PHLDB2: variants seen among roughly 807,000 people sequenced by gnomAD.
PHLDB2 encodes the protein pleckstrin homology like domain family B member 2, also known as pleckstrin homology-like domain family B member 2.
In PHLDB2, 71 loss-of-function variants were observed where a neutral mutation model predicts 123.6. The observed-to-expected ratio is 0.57, with a 90% CI of 0.47 to 0.70. The LOEUF is 0.70. PHLDB2 is among the 30% of genes least tolerant of loss of function. The pLI is 0.00. For missense variants in PHLDB2, 1,446 were observed against 1,519.5 expected (o/e 0.95, Z 0.80); for synonymous variants, 547 against 541.6 (o/e 1.01, Z -0.14).
chr3:111,921,346 T>A (rs532779773), intron 5 of PHLDB2, among the ~76,000 whole-genome samples: 21 of 152,214 alleles, frequency 1.4e-4, no homozygotes, highest in East Asian at 1.4e-3. Flanking sequence ...AAAGAAAAAA[T>A]TTTTAGTTTG....
At chr3:111,762,263 T>G (rs79493283) in intron 1 of PHLDB2, among the ~76,000 whole-genome samples, 7,661 of 152,300 alleles carry the variant, frequency 0.05, 651 homozygotes, top group African/African-American at 0.17. Context: ...TTAAAGAAGA[T>G]AATGTTTAGG....
chr3:111,912,744 G>A (rs7645666), intron 2 of PHLDB2, among the ~76,000 whole-genome samples: 48,751 of 152,152 alleles, frequency 0.32, 8,066 homozygotes, highest in Middle Eastern at 0.38. Context: ...TAAGTCAGTA[G>A]TGATGAAAAA....
chr3:111,760,292 A>G (rs1197005131), intron 1 of PHLDB2, among the ~76,000 whole-genome samples: 2 of 152,162 alleles, frequency 1.3e-5, no homozygotes, highest in East Asian at 3.8e-4. Flanking sequence ...TAAAATTCCT[A>G]TTTTACCTTA....
At chr3:111,881,230 A>G (rs2065911130) in intron 1 of PHLDB2, among the ~76,000 whole-genome samples, 1 of 152,272 alleles carries the variant, frequency 6.6e-6, no homozygotes, top group East Asian at 1.9e-4. Context: ...ATGGCAGGCA[A>G]CTGTAGCTGC....
At chr3:111,758,382 C>A (rs999610842) in intron 1 of PHLDB2, among the ~76,000 whole-genome samples, 1 of 152,204 alleles carries the variant, frequency 6.6e-6, no homozygotes, top group Non-Finnish European at 1.5e-5. Flanking sequence ...ATCAGCAAGA[C>A]TCTGTGGGCA....
chr3:111,945,972 C>T (rs929115902), intron 9 of PHLDB2, among the ~76,000 whole-genome samples: 5 of 152,036 alleles, frequency 3.3e-5, no homozygotes, highest in African/African-American at 1.2e-4. Context: ...TACACTGCCA[C>T]ACTGGGAGAA....
chr3:111,806,419 C>G (rs550225893), intron 1 of PHLDB2, among the ~76,000 whole-genome samples: 1 of 152,068 alleles, frequency 6.6e-6, no homozygotes, highest in Non-Finnish European at 1.5e-5. Context: ...TTATATAATA[C>G]AAAATGTAGT....
At chr3:111,775,365 A>G (rs1463835793) in intron 1 of PHLDB2, among the ~76,000 whole-genome samples, 1 of 152,200 alleles carries the variant, frequency 6.6e-6, no homozygotes, top group East Asian at 1.9e-4. Flanking sequence ...TAGTCATGGA[A>G]GAAAATCACA....
At chr3:111,760,906 G>A (rs1230836451) in intron 1 of PHLDB2, among the ~76,000 whole-genome samples, 1 of 152,120 alleles carries the variant, frequency 6.6e-6, no homozygotes, top group Non-Finnish European at 1.5e-5. Flanking sequence ...AACTAAGTCG[G>A]CCAGGTGTGG....
At chr3:111,803,663 A>C (rs78025770) in intron 1 of PHLDB2, among the ~76,000 whole-genome samples, 6,404 of 152,292 alleles carry the variant, frequency 0.042, 185 homozygotes, top group Admixed American at 0.081. Context: ...TCAGGTTCTT[A>C]CATTCACTAA....
intron 3 of PHLDB2, among the ~76,000 whole-genome samples, chr3:111,918,061 C>T (rs2068280462): frequency 6.6e-6 from 1 of 152,122 alleles, no homozygotes; most frequent in Middle Eastern, 3.2e-3. Context: ...TTCATACTGA[C>T]ATATAGTATA....
At chr3:111,781,052 G>T (rs922846669) in intron 1 of PHLDB2, among the ~76,000 whole-genome samples, 5 of 151,846 alleles carry the variant, frequency 3.3e-5, no homozygotes, top group Non-Finnish European at 7.4e-5. Flanking sequence ...GTTTTCTTTT[G>T]CATTATCTTC....
At chr3:111,771,732 A>T (rs80153064) in intron 1 of PHLDB2, among the ~76,000 whole-genome samples, 7,022 of 152,264 alleles carry the variant, frequency 0.046, 550 homozygotes, top group African/African-American at 0.16. Context: ...GTTATACTGG[A>T]TTAGAGTCTA....
chr3:111,782,778 C>G (rs1350929040), intron 1 of PHLDB2, among the ~76,000 whole-genome samples: 2 of 152,074 alleles, frequency 1.3e-5, no homozygotes, highest in African/African-American at 4.8e-5. Context: ...CTTTTCTCAT[C>G]ATTTTGAACA....
In PHLDB2 at chr3:111,884,309, A is replaced by G. The variant is rs771976271; in HGVS notation, c.232A>G (p.Ser78Gly). The G allele has an allele frequency of 3.7e-6, 6 of 1,614,216 alleles. No individual in the cohort carries two copies. The South Asian group carries it at 4.4e-5, about 12-fold the overall frequency. ...AKRSPSPLGT[S>G]VRSSPSLAKI... ...GAGAAGCCCTTCTCCTTTGGGAACC[A>G]GTGTCAGAAGCAGCCCCTCCTTAGC... Residue 78 changes from serine (S) to glycine (G), a missense_variant, in exon 2 of 18, where the codon AGT becomes GGT. Physicochemically the swap from Ser to Gly is moderately conservative, Grantham distance 56. This residue lies in a region of PHLDB2 where 832 missense variants were observed against 831.9 expected (regional missense o/e 1.00). Transcript: ENST00000431670.
intron 1 of PHLDB2, among the ~76,000 whole-genome samples, chr3:111,834,587 T>G (rs746404261): frequency 2.0e-5 from 3 of 151,818 alleles, no homozygotes; most frequent in African/African-American, 7.3e-5. Flanking sequence ...AAGGATGCAG[T>G]AAATATCTCT....
chr3:111,910,002 C>T (rs182004072), intron 2 of PHLDB2, among the ~76,000 whole-genome samples: 2 of 151,998 alleles, frequency 1.3e-5, no homozygotes, highest in African/African-American at 4.8e-5. Context: ...TTACAAGGGC[C>T]CTTGGATGGG....
At chr3:111,784,537 G>A (rs568986039) in intron 1 of PHLDB2, among the ~76,000 whole-genome samples, 4 of 152,218 alleles carry the variant, frequency 2.6e-5, no homozygotes, top group African/African-American at 7.2e-5. Context: ...CTCATAAACC[G>A]TGCTGATAAG....
At chr3:111,763,243 A>G (rs746823377) in intron 1 of PHLDB2, among the ~76,000 whole-genome samples, 24 of 152,342 alleles carry the variant, frequency 1.6e-4, no homozygotes, top group Admixed American at 8.5e-4. Context: ...TGCTGTGTGA[A>G]CAATACAGTG....
Sources: allele counts gnomAD v4.1 joint callset (sites outside exome capture counted in the v4.1 genomes callset), GRCh38; gene constraint gnomAD v4.1.1; regional missense constraint gnomAD v4.1.1; transcripts MANE v1.5; gene names NCBI Gene and HGNC (gene_info 2026-07-23, HGNC 2026-07-21).